The following FAM184B variants were observed in gnomAD, a reference collection of about 807,000 sequenced individuals.
The protein encoded by FAM184B is family with sequence similarity 184 member B.
FAM184B carries 111 observed loss-of-function variants against 135.9 expected under a neutral mutation model. That is an observed-to-expected ratio of 0.82 (90% CI 0.70 to 0.96). The LOEUF (loss-of-function observed/expected upper bound fraction) is 0.96, where lower values mean the gene tolerates loss of function less well. Among genes scored for constraint, FAM184B ranks in the 40% least tolerant of loss-of-function variants. The pLI, the probability that FAM184B is intolerant of heterozygous loss-of-function variation, is 0.00. For synonymous variants in FAM184B, 552 were observed against 524.8 expected, an observed-to-expected ratio of 1.05 and a Z score of -0.71; for missense variants, 1,375 against 1,323.9, an observed-to-expected ratio of 1.04 and a Z score of -0.60.
At chr4:17,777,747 C>A (rs890335175) in intron 1 of FAM184B, among the ~76,000 whole-genome samples, 6 of 151,970 alleles carry the variant, frequency 3.9e-5, no homozygotes, top group Non-Finnish European at 2.9e-5. Context: ...ATGGTAGTGC[C>A]AGAAAAGATA....
rs375551520 is a variant in FAM184B, at chr4:17,763,392, GCACACACACACAAA to G, written c.141+17753_141+17766del. On this transcript the variant is annotated intron_variant, in intron 1 of 17. Coordinates refer to ENST00000265018, the MANE Select transcript of FAM184B (RefSeq NM_015688.2). ...GCTTTCCTGGCCTAGCTTTCAGAGG[GCACACACACACAAA>G]CACACACACACACAGGCACATGCAC... is the stretch of plus-strand genomic sequence containing the variant. Among the ~76,000 whole-genome samples the G allele has an allele frequency of 1.5e-4, 23 of 149,164 alleles. No homozygotes were observed. In the East Asian group the frequency reaches 4.3e-3, roughly 28 times the overall value.
At position 17,709,310 on chromosome 4, in the gene FAM184B, TC is replaced by T; in HGVS notation, c.475del (p.Glu159ArgfsTer7). The T allele has an allele frequency of 6.5e-7, 1 of 1,550,088 alleles. No homozygotes were observed. Among genetic ancestry groups the T allele is most frequent in the Non-Finnish European group, 8.7e-7 (1 of 1,146,254 alleles). ...REMLELKADYERRLQHLTSHE... is the reference protein window; with the variant it reads ...REMLELKADYXRRLQHLTSHE... ...GCTCGTCAGGTGCTGGAGCCTCCTC[TC>T]GTAGTCAGCCTTGAGCTCCAGCATT... On this transcript the variant is annotated frameshift_variant, in exon 2 of 18. Transcript: ENST00000265018. LOFTEE classifies it high-confidence loss of function.
intron 1 of FAM184B, among the ~76,000 whole-genome samples, chr4:17,747,920 CAAA>C (rs71167333): frequency 0.016 from 337 of 21,670 alleles, no homozygotes; most frequent in African/African-American, 0.059. Context: ...GACTCTGTCT[CAAA>C]AAAAAAAAAA....
chr4:17,645,556 C>T (rs1319706909), intron 12 of FAM184B, among the ~76,000 whole-genome samples: 1 of 151,906 alleles, frequency 6.6e-6, no homozygotes, highest in African/African-American at 2.4e-5. Context: ...CCCTTCCTTA[C>T]ACCTTATACA....
At chr4:17,760,499 A>T (rs1718522516) in intron 1 of FAM184B, among the ~76,000 whole-genome samples, 1 of 150,610 alleles carries the variant, frequency 6.6e-6, no homozygotes, top group Admixed American at 6.6e-5. Context: ...CAAACAAACA[A>T]ACAAAAAACA....
intron 7 of FAM184B, among the ~76,000 whole-genome samples, chr4:17,684,185 A>G (rs1361241017): frequency 2.8e-5 from 4 of 143,594 alleles, no homozygotes; most frequent in Non-Finnish European, 6.0e-5. Flanking sequence ...AAATAATTAT[A>G]TATAAAATAG....
chr4:17,759,423 C>T (rs953575827), intron 1 of FAM184B, among the ~76,000 whole-genome samples: 19 of 152,206 alleles, frequency 1.2e-4, no homozygotes, highest in African/African-American at 3.9e-4. Context: ...TCCAGTACAG[C>T]CTGCAGAATC....
chr4:17,693,642 G>A (rs1048142852), intron 5 of FAM184B, among the ~76,000 whole-genome samples: 2 of 152,160 alleles, frequency 1.3e-5, no homozygotes, highest in African/African-American at 4.8e-5. Context: ...TTGTCTTTAA[G>A]TTTTCTAGTG....
At chr4:17,670,556 T>C (rs1716148610) in intron 7 of FAM184B, among the ~76,000 whole-genome samples, 2 of 152,192 alleles carry the variant, frequency 1.3e-5, no homozygotes, top group South Asian at 4.1e-4. Context: ...AAAGGAGTCC[T>C]GGGCAGGAGT....
intron 12 of FAM184B, among the ~76,000 whole-genome samples, chr4:17,643,104 A>G (rs1178589608): frequency 1.3e-5 from 2 of 152,210 alleles, no homozygotes; most frequent in Non-Finnish European, 2.9e-5. Flanking sequence ...GAAGAGCAAG[A>G]GCAGGGGGGT....
At chr4:17,765,448 T>A (rs1016228787) in intron 1 of FAM184B, among the ~76,000 whole-genome samples, 1 of 152,134 alleles carries the variant, frequency 6.6e-6, no homozygotes, top group African/African-American at 2.4e-5. Context: ...AATGACAAAC[T>A]GGGATCAACA....
intron 13 of FAM184B, among the ~76,000 whole-genome samples, chr4:17,639,980 C>T (rs1470669727): frequency 6.6e-6 from 1 of 151,844 alleles, no homozygotes; most frequent in African/African-American, 2.4e-5. Flanking sequence ...AGGCGCCCAG[C>T]ACCAGGCCCA....
chr4:17,682,221 C>T (rs985624068), intron 7 of FAM184B, among the ~76,000 whole-genome samples: 6 of 152,172 alleles, frequency 3.9e-5, no homozygotes, highest in African/African-American at 9.6e-5. Flanking sequence ...AGGAATCTTC[C>T]GGAAAAAAAT....
chr4:17,668,665 T>C (rs1716106192), intron 7 of FAM184B, among the ~76,000 whole-genome samples: 1 of 152,220 alleles, frequency 6.6e-6, no homozygotes, highest in Non-Finnish European at 1.5e-5. Flanking sequence ...CCCAAGTAGC[T>C]GGGACTACAG....
intron 13 of FAM184B, among the ~76,000 whole-genome samples, chr4:17,640,495 AG>A (rs1393480764): frequency 7.3e-5 from 11 of 151,182 alleles, no homozygotes; most frequent in South Asian, 2.1e-4. Flanking sequence ...AAAAAAAAAA[AG>A]AAAATAAATG....
At chr4:17,644,056 C>T (rs946359802) in intron 12 of FAM184B, among the ~76,000 whole-genome samples, 3 of 152,162 alleles carry the variant, frequency 2.0e-5, no homozygotes, top group African/African-American at 4.8e-5. Flanking sequence ...TGCTGGGCAG[C>T]ATCTCAGGCA....
intron 1 of FAM184B, among the ~76,000 whole-genome samples, chr4:17,724,662 G>A (rs749325436): frequency 1.3e-4 from 20 of 152,176 alleles, no homozygotes; most frequent in East Asian, 5.8e-4. Flanking sequence ...GAACCACACC[G>A]CACAAACAAC....
intron 1 of FAM184B, among the ~76,000 whole-genome samples, chr4:17,742,424 G>T (rs1186916147): frequency 1.3e-5 from 2 of 152,052 alleles, no homozygotes; most frequent in African/African-American, 4.8e-5. Context: ...ACAGAGCAAT[G>T]ATAACAGAAG....
chr4:17,654,165 C>T (rs1715725144), intron 10 of FAM184B, among the ~76,000 whole-genome samples: 1 of 150,542 alleles, frequency 6.6e-6, no homozygotes, highest in South Asian at 2.1e-4. Context: ...TTTGTTACAG[C>T]AGCAATAGGA....
Sources: allele counts gnomAD v4.1 joint callset (sites outside exome capture counted in the v4.1 genomes callset), GRCh38; gene constraint gnomAD v4.1.1; transcripts MANE v1.5; gene names NCBI Gene and HGNC (gene_info 2026-07-23, HGNC 2026-07-21).